CACHD1: variants seen among roughly 807,000 people sequenced by gnomAD.
The protein encoded by CACHD1 is cache domain containing 1.
Under a neutral mutation model 138.7 loss-of-function variants are expected in CACHD1, and 71 were observed. The ratio of observed to expected loss-of-function variants is 0.51; its 90% CI spans 0.42 to 0.62. The LOEUF is 0.62. Among genes scored for constraint, CACHD1 ranks in the 20% least tolerant of loss-of-function variants. The pLI is 0.00. For missense variants in CACHD1, 1,389 were observed against 1,625.3 expected (o/e 0.85, Z 2.50); for synonymous variants, 578 against 591.5 (o/e 0.98, Z 0.33).
chr1:64,550,619 C>T lies in CACHD1; in HGVS notation c.224C>T (p.Thr75Ile). The stretch of plus-strand genomic sequence containing the variant: ...CGGATATTCAACTCCTTTGTTTACA[C>T]TGAGAAAATCTCAAATGGAGAAAGT... ...MQRIFNSFVYTEKISNGESEV... is the reference protein window; with the variant it reads ...MQRIFNSFVYIEKISNGESEV... The change falls in exon 2 of 27, where the codon ACT (threonine) becomes ATT (isoleucine). Residue 75 changes from threonine (T) to isoleucine (I), a missense_variant. By Grantham distance (89) the Thr-to-Ile change is moderately conservative. Around this residue, in one of 5 missense-constraint regions of CACHD1, gnomAD observed 1,000 missense variants for 1,114.7 expected, o/e 0.90. Transcript: ENST00000651257. 6.2e-7 allele frequency: 1 copy of T among 1,611,562 alleles called. No individual in the cohort carries two copies. The highest frequency in any genetic ancestry group is 8.5e-7 in the Non-Finnish European group (1 of 1,177,844).
intron 1 of CACHD1, among the ~76,000 whole-genome samples, chr1:64,548,479 A>G (rs1287944788): frequency 6.6e-6 from 1 of 152,198 alleles, no homozygotes; most frequent in Non-Finnish European, 1.5e-5. Context: ...CATGGGTGGT[A>G]ATGACATTGA....
At chr1:64,612,131 C>T (rs1345226985) in intron 4 of CACHD1, among the ~76,000 whole-genome samples, 1 of 152,134 alleles carries the variant, frequency 6.6e-6, no homozygotes, top group East Asian at 1.9e-4. Context: ...TTGCCTCATA[C>T]CAGGTTTCTC....
At chr1:64,586,273 A>G (rs1206119503) in intron 3 of CACHD1, among the ~76,000 whole-genome samples, 3 of 152,178 alleles carry the variant, frequency 2.0e-5, no homozygotes, top group African/African-American at 4.8e-5. Flanking sequence ...CATTTTGGCC[A>G]GGCTGGTCTC....
At chr1:64,577,309 A>G (rs1026953727) in intron 2 of CACHD1, among the ~76,000 whole-genome samples, 3 of 152,170 alleles carry the variant, frequency 2.0e-5, no homozygotes, top group Admixed American at 1.3e-4. Context: ...TGATTTTCAT[A>G]GGAATTTTGA....
intron 13 of CACHD1, among the ~76,000 whole-genome samples, chr1:64,663,242 A>C (rs1415282961): frequency 6.8e-6 from 1 of 146,904 alleles, no homozygotes; most frequent in African/African-American, 2.5e-5. Context: ...CTGAAGGGAG[A>C]GAATGTGGCC....
rs571746907 is a variant in CACHD1 at position 64,677,434 on chromosome 1, C to T, written c.3092+423C>T. ...TGTTCCCCGCTCTCTCCCCACTCCTCAGGTGGGATTAGGAGTTTGGGACTA... is the reference window on the plus strand; with the variant it reads ...TGTTCCCCGCTCTCTCCCCACTCCTTAGGTGGGATTAGGAGTTTGGGACTA... On this transcript the variant is annotated intron_variant, in intron 22 of 26. Transcript: ENST00000651257. Among the ~76,000 whole-genome samples, 18 of 152,314 alleles carry T rather than the reference C, an allele frequency of 1.2e-4. No homozygotes were observed. In the South Asian group the frequency reaches 3.1e-3, roughly 26 times the overall value.
chr1:64,580,787 CA>C (rs1647006189), intron 2 of CACHD1, among the ~76,000 whole-genome samples: 1 of 152,122 alleles, frequency 6.6e-6, no homozygotes, highest in Non-Finnish European at 1.5e-5. Context: ...ATCTACTTTG[CA>C]GCATTCTCCA....
intron 16 of CACHD1, among the ~76,000 whole-genome samples, chr1:64,669,998 A>G (rs1228751497): frequency 6.6e-6 from 1 of 152,230 alleles, no homozygotes; most frequent in African/African-American, 2.4e-5. Flanking sequence ...TCTTCTATTT[A>G]TAAAATGGGA....
intron 1 of CACHD1, among the ~76,000 whole-genome samples, chr1:64,541,076 T>G (rs1257103756): frequency 6.6e-6 from 1 of 152,208 alleles, no homozygotes; most frequent in Non-Finnish European, 1.5e-5. Flanking sequence ...AAGGAAAGAC[T>G]TGTTAATTGT....
At chr1:64,630,900 C>G (rs756505025) in intron 5 of CACHD1, among the ~76,000 whole-genome samples, 76 of 152,204 alleles carry the variant, frequency 5.0e-4, no homozygotes, top group Non-Finnish European at 7.8e-4. Flanking sequence ...CTAATTAGCC[C>G]TTGAACCTCT....
chr1:64,679,629 C>G lies in CACHD1; in HGVS notation c.3279C>G (p.Ser1093Arg), dbSNP rs145468960. The part of the protein sequence containing the change: ...DEVITLNMIK[S>R]APVGPVAGGI... ...TGATCACATTAAACATGATTAAAAG[C>G]GCCCCTGTGGGTCCTGTGGCTGGAG... The change falls in exon 24 of 27, where the codon AGC (serine) becomes AGG (arginine). Residue 1093 changes from serine to arginine, a missense_variant. By Grantham distance (110) the Ser-to-Arg change is moderately radical. Around this residue, in one of 5 missense-constraint regions of CACHD1, gnomAD observed 250 missense variants for 292.9 expected, o/e 0.85. Transcript: ENST00000651257. 1.7e-5 allele frequency: 28 copies of G among 1,614,080 alleles called. No individual in the cohort carries two copies. Among genetic ancestry groups the G allele is most frequent in the Non-Finnish European group, 2.4e-5 (28 of 1,180,034 alleles).
intron 1 of CACHD1, among the ~76,000 whole-genome samples, chr1:64,545,286 A>G (rs934952454): frequency 2.0e-5 from 3 of 152,196 alleles, no homozygotes; most frequent in African/African-American, 7.2e-5. Flanking sequence ...ATTCTCACAA[A>G]AGTGAACACA....
At chr1:64,636,271 T>A (rs1046958282) in intron 7 of CACHD1, among the ~76,000 whole-genome samples, 1 of 152,210 alleles carries the variant, frequency 6.6e-6, no homozygotes, top group African/African-American at 2.4e-5. Context: ...ACATAATGGA[T>A]CCTCAAAAGA....
chr1:64,578,923 T>G (rs1337456947), intron 2 of CACHD1, among the ~76,000 whole-genome samples: 1 of 152,176 alleles, frequency 6.6e-6, no homozygotes, highest in African/African-American at 2.4e-5. Flanking sequence ...CAGGGGGACA[T>G]GTAGACCCCA....
intron 13 of CACHD1, among the ~76,000 whole-genome samples, chr1:64,661,004 G>A (rs1350498719): frequency 1.3e-5 from 2 of 152,158 alleles, no homozygotes; most frequent in East Asian, 3.9e-4. Flanking sequence ...CTTTCACTGG[G>A]AGGTCTTGGC....
In CACHD1 at chr1:64,587,171, A is replaced by G. The variant is rs1470185634; in HGVS notation, c.410+4867A>G. On this transcript the variant is annotated intron_variant, in intron 3 of 26. Transcript: ENST00000651257. ...CTAACATTTTAAGTGCCTGTGGCCT[A>G]TTGACCTTGCTTCTTCTCCAAATAT... Among the ~76,000 whole-genome samples the G allele has an allele frequency of 2.0e-5, 3 of 152,184 alleles. No homozygotes were observed. The East Asian group carries it at 5.8e-4, about 29-fold the overall frequency.
intron 1 of CACHD1, among the ~76,000 whole-genome samples, chr1:64,526,061 C>T (rs1001623979): frequency 4.6e-5 from 7 of 152,148 alleles, no homozygotes; most frequent in African/African-American, 1.7e-4. Context: ...TGTCAGCTTC[C>T]TGGGATTTAG....
At chr1:64,638,063 TTCAGTTTCCTA>T (rs1351894886) in intron 7 of CACHD1, among the ~76,000 whole-genome samples, 1 of 152,194 alleles carries the variant, frequency 6.6e-6, no homozygotes, top group Admixed American at 6.5e-5. Context: ...TATTATGATA[TTCAGTTTCCTA>T]TAAGACTTCT....
At position 64,597,351 on chromosome 1, in the gene CACHD1, T is replaced by C. The variant is rs972903280; in HGVS notation, c.411-5455T>C. ...TTAAATGTCTGAAGTTCAAAGCAGT[T>C]TGCACATCAGAGCAAACGTCAATCA... On this transcript the variant is annotated intron_variant, in intron 3 of 26. Coordinates refer to ENST00000651257, the MANE Select transcript of CACHD1 (RefSeq NM_020925.4). 2.0e-5 allele frequency among the ~76,000 whole-genome samples: 3 copies of C among 152,026 alleles called. No individual in the cohort carries two copies. The East Asian group carries it at 5.8e-4, about 30-fold the overall frequency.
Sources: gnomAD v4.1 joint callset for allele counts (sites outside exome capture counted in the v4.1 genomes callset) on GRCh38, gnomAD v4.1.1 for gene constraint, gnomAD v4.1.1 regional missense constraint, MANE v1.5 for transcripts, NCBI Gene and HGNC (gene_info 2026-07-23, HGNC 2026-07-21) for gene names.